OPCML: variants seen among roughly 807,000 people sequenced by gnomAD.
OPCML encodes opioid binding protein/cell adhesion molecule like, also known as opioid-binding protein/cell adhesion molecule.
A neutral mutation model predicts 37.8 loss-of-function variants in OPCML; 13 were observed. That is an observed-to-expected ratio of 0.34 (90% CI 0.22 to 0.55). The LOEUF (loss-of-function observed/expected upper bound fraction) is 0.55. Among genes scored for constraint, OPCML ranks in the 20% least tolerant of loss-of-function variants. The probability of loss-of-function intolerance (pLI) is 0.91; values close to 1 mark genes in which losing one functional copy is unlikely to be tolerated. For synonymous variants in OPCML, 176 were observed against 168.8 expected, an observed-to-expected ratio of 1.04 and a Z score of -0.33; for missense variants, 341 against 435.6, an observed-to-expected ratio of 0.78 and a Z score of 1.93.
At chr11:133,245,499 G>A (rs1247953705) in intron 1 of OPCML, among the ~76,000 whole-genome samples, 1 of 152,100 alleles carries the variant, frequency 6.6e-6, no homozygotes, top group Non-Finnish European at 1.5e-5. Flanking sequence ...GAAACCTCAT[G>A]AGCACCCAAA....
chr11:132,985,976 G>A (rs1946676516), intron 1 of OPCML, among the ~76,000 whole-genome samples: 1 of 152,134 alleles, frequency 6.6e-6, no homozygotes, highest in African/African-American at 2.4e-5. Flanking sequence ...TTTCCAAAAG[G>A]ATAATTCTGT....
intron 1 of OPCML, among the ~76,000 whole-genome samples, chr11:133,158,143 C>A (rs1245920017): frequency 6.6e-6 from 1 of 152,184 alleles, no homozygotes; most frequent in Non-Finnish European, 1.5e-5. Context: ...CTATTTGGGG[C>A]TTTACCGACA....
At chr11:133,064,531 T>C (rs1948407473) in intron 1 of OPCML, among the ~76,000 whole-genome samples, 1 of 152,202 alleles carries the variant, frequency 6.6e-6, no homozygotes, top group Non-Finnish European at 1.5e-5. Flanking sequence ...CAGGGGCCGC[T>C]GCAGGGCCAC....
chr11:132,892,154 G>A (rs1943675654), intron 2 of OPCML, among the ~76,000 whole-genome samples: 2 of 152,226 alleles, frequency 1.3e-5, no homozygotes, highest in Admixed American at 1.3e-4. Flanking sequence ...CACCTAGAAA[G>A]GTCTGTAACT....
chr11:133,419,395 A>T (rs1400477424), intron 1 of OPCML: 6 of 939,298 alleles, frequency 6.4e-6, no homozygotes, highest in Non-Finnish European at 7.6e-6. Context: ...GCTTATTGCT[A>T]AATTTTCAGA....
At chr11:132,610,916 C>T (rs867763020) in intron 3 of OPCML, among the ~76,000 whole-genome samples, 2 of 152,194 alleles carry the variant, frequency 1.3e-5, no homozygotes, top group Non-Finnish European at 2.9e-5. Flanking sequence ...CTGATCTCAT[C>T]TATACCTCAG....
chr11:132,944,025 G>T (rs1428010607), intron 1 of OPCML, among the ~76,000 whole-genome samples: 4 of 152,028 alleles, frequency 2.6e-5, no homozygotes, highest in East Asian at 1.9e-4. Context: ...CGGACTGCGC[G>T]CTCATCCCGA....
chr11:133,389,236 T>G (rs564164351), intron 1 of OPCML, among the ~76,000 whole-genome samples: 66 of 152,306 alleles, frequency 4.3e-4, no homozygotes, highest in African/African-American at 1.4e-3. Context: ...AAATCTTTCG[T>G]TCTTAAAATG....
At chr11:132,727,234 G>GT (rs111963645) in intron 2 of OPCML, among the ~76,000 whole-genome samples, 3,009 of 152,288 alleles carry the variant, frequency 0.02, 102 homozygotes, top group African/African-American at 0.069. Flanking sequence ...AGGTCACGTG[G>GT]TTAGGTAAGT....
At chr11:133,492,817 C>T (rs1357575636) in intron 1 of OPCML, among the ~76,000 whole-genome samples, 2 of 152,010 alleles carry the variant, frequency 1.3e-5, no homozygotes, top group Non-Finnish European at 2.9e-5. Context: ...GAGGGAATGT[C>T]CTAACTGCGA....
intron 1 of OPCML, among the ~76,000 whole-genome samples, chr11:133,354,022 T>C (rs1486116930): frequency 6.6e-6 from 1 of 152,128 alleles, no homozygotes; most frequent in East Asian, 1.9e-4. Context: ...TGCTATTCTA[T>C]CAAAGTAAGG....
chr11:133,137,163 A>G (rs1223715856), intron 1 of OPCML, among the ~76,000 whole-genome samples: 2 of 152,026 alleles, frequency 1.3e-5, no homozygotes, highest in Non-Finnish European at 1.5e-5. Flanking sequence ...TTTACAGAGC[A>G]TTTGGCTGAG....
At chr11:133,376,407 T>C (rs1157047281) in intron 1 of OPCML, among the ~76,000 whole-genome samples, 3 of 152,158 alleles carry the variant, frequency 2.0e-5, no homozygotes. Context: ...TGCAATATTG[T>C]GATGACATTA....
At chr11:132,563,626 A>C (rs770094856) in intron 3 of OPCML, among the ~76,000 whole-genome samples, 5 of 151,884 alleles carry the variant, frequency 3.3e-5, no homozygotes, top group Non-Finnish European at 7.4e-5. Context: ...TGCCTCAACT[A>C]TTTTTTTATT....
At chr11:132,796,697 C>T (rs1407726610) in intron 2 of OPCML, among the ~76,000 whole-genome samples, 2 of 151,584 alleles carry the variant, frequency 1.3e-5, no homozygotes, top group African/African-American at 4.8e-5. Flanking sequence ...CCTCGGCCTC[C>T]CTCCTGAGTA....
chr11:133,010,915 T>A (rs985373159), intron 1 of OPCML, among the ~76,000 whole-genome samples: 30 of 152,346 alleles, frequency 2.0e-4, no homozygotes, highest in African/African-American at 7.2e-4. Flanking sequence ...GGAATTTATT[T>A]GTGTGTAAGT....
intron 1 of OPCML, among the ~76,000 whole-genome samples, chr11:133,235,026 TA>T (rs1490308892): frequency 6.6e-6 from 1 of 152,096 alleles, no homozygotes; most frequent in Non-Finnish European, 1.5e-5. Flanking sequence ...GGTTGCTGGG[TA>T]ATTGAATGAC....
At chr11:132,719,319 T>G (rs1364517037) in intron 2 of OPCML, among the ~76,000 whole-genome samples, 1 of 152,110 alleles carries the variant, frequency 6.6e-6, no homozygotes, top group African/African-American at 2.4e-5. Flanking sequence ...TATGTTTGGT[T>G]TTGGTTGGTG....
At chr11:132,557,513 G>C (rs10894580) in intron 3 of OPCML, among the ~76,000 whole-genome samples, 66,907 of 151,936 alleles carry the variant, frequency 0.44, 15,136 homozygotes, top group African/African-American at 0.49. Flanking sequence ...ATCTTTAGTG[G>C]GCTGTCCAAT....
Sources: allele counts gnomAD v4.1 joint callset (sites outside exome capture counted in the v4.1 genomes callset), GRCh38; gene constraint gnomAD v4.1.1; transcripts MANE v1.5; gene names NCBI Gene and HGNC (gene_info 2026-07-23, HGNC 2026-07-21).